The following DPP10 variants were observed in gnomAD, a reference collection of about 807,000 sequenced individuals.
The protein encoded by DPP10 is inactive dipeptidyl peptidase 10.
In DPP10, 33 loss-of-function variants were observed where a neutral mutation model predicts 120.9. The observed-to-expected ratio is 0.27, with a 90% CI of 0.21 to 0.37. DPP10 has a LOEUF of 0.37. DPP10 is among the 10% of genes least tolerant of loss of function. The pLI is 1.00. For synonymous variants in DPP10, 337 were observed against 326.1 expected (o/e 1.03, Z -0.36); for missense variants, 816 against 942.8 (o/e 0.87, Z 1.76).
In DPP10 at chr2:115,499,525, A is replaced by C; in HGVS notation, c.287A>C (p.Tyr96Ser). Residue 96 changes from tyrosine to serine, a missense_variant, in exon 4 of 26, where the codon TAT becomes TCT. Tyr to Ser is a moderately radical substitution (Grantham distance 144). Transcript: ENST00000410059. ...ARWINDTDVV[Y>S]KSENGHVIKL... ...GTTGTTGCAGATACAGATGTGGTGT[A>C]TAAAAGCGAGAATGGACATGTCATT... The C allele has an allele frequency of 6.2e-7, 1 of 1,611,842 alleles. No homozygotes were observed. The highest frequency in any genetic ancestry group is 2.2e-5 in the East Asian group (1 of 44,762).
intron 1 of DPP10, among the ~76,000 whole-genome samples, chr2:114,513,516 T>A (rs1573535896): frequency 2.3e-5 from 2 of 86,720 alleles, no homozygotes; most frequent in East Asian, 3.1e-4. Context: ...AGTGAAACTC[T>A]ACCTCAAAAA....
chr2:114,899,488 A>G (rs1558859577), intron 1 of DPP10, among the ~76,000 whole-genome samples: 1 of 151,096 alleles, frequency 6.6e-6, no homozygotes, highest in Non-Finnish European at 1.5e-5. Context: ...CGATGAAACC[A>G]CTCTTTTAAC....
chr2:114,863,487 T>C (rs1255096296), intron 1 of DPP10, among the ~76,000 whole-genome samples: 1 of 152,088 alleles, frequency 6.6e-6, no homozygotes, highest in Non-Finnish European at 1.5e-5. Flanking sequence ...GAGGTTTTGG[T>C]GGGTTCCCGT....
At chr2:114,623,590 GC>G (rs1281970180) in intron 1 of DPP10, among the ~76,000 whole-genome samples, 1 of 151,950 alleles carries the variant, frequency 6.6e-6, no homozygotes, top group Non-Finnish European at 1.5e-5. Context: ...CAAAAAGGTG[GC>G]AGCAATTTTT....
chr2:114,809,449 T>C (rs1038459932), intron 1 of DPP10, among the ~76,000 whole-genome samples: 5 of 152,230 alleles, frequency 3.3e-5, no homozygotes, highest in Non-Finnish European at 5.9e-5. Context: ...TCTCATATTT[T>C]TGAAGCTTCG....
Position 115,128,382 on chromosome 2 carries a change from C to T in DPP10, c.61-180857C>T, listed in dbSNP as rs779099053. On this transcript the variant is annotated intron_variant, in intron 1 of 25. Coordinates refer to ENST00000410059, the MANE Select transcript of DPP10 (RefSeq NM_020868.6). ...CCTTATTAATGCTTCCCTTAGACGC[C>T]GGAAGTGATCGCTGTTCTCCCTAAT... 1.4e-4 allele frequency among the ~76,000 whole-genome samples: 22 copies of T among 152,138 alleles called. 1 individual carries two copies. The highest frequency in any genetic ancestry group is 9.8e-4 in the Admixed American group (15 of 15,266).
chr2:114,607,746 T>C (rs1692933554), intron 1 of DPP10, among the ~76,000 whole-genome samples: 1 of 152,188 alleles, frequency 6.6e-6, no homozygotes, highest in Non-Finnish European at 1.5e-5. Context: ...TGCATCTTAC[T>C]GAGAAGATGT....
intron 2 of DPP10, among the ~76,000 whole-genome samples, chr2:115,324,563 C>T (rs1490228211): frequency 6.6e-6 from 1 of 152,148 alleles, no homozygotes; most frequent in Non-Finnish European, 1.5e-5. Context: ...GAGTTAGGAC[C>T]TTACTCTAGA....
At chr2:114,847,890 C>T (rs1227664098) in intron 1 of DPP10, among the ~76,000 whole-genome samples, 1 of 152,020 alleles carries the variant, frequency 6.6e-6, no homozygotes, top group Non-Finnish European at 1.5e-5. Flanking sequence ...TGCGTGTACC[C>T]ACCAATAATG....
chr2:114,674,586 T>G (rs1426075435), intron 1 of DPP10, among the ~76,000 whole-genome samples: 1 of 152,212 alleles, frequency 6.6e-6, no homozygotes, highest in African/African-American at 2.4e-5. Flanking sequence ...CTTTTAAACT[T>G]TGTCATTTTC....
chr2:114,922,442 A>T (rs1050022809), intron 1 of DPP10, among the ~76,000 whole-genome samples: 1 of 152,164 alleles, frequency 6.6e-6, no homozygotes. Context: ...CCTCCTGAGT[A>T]GCTGGGATTA....
intron 1 of DPP10, among the ~76,000 whole-genome samples, chr2:115,187,130 G>A (rs1006679774): frequency 5.0e-5 from 7 of 141,132 alleles, no homozygotes; most frequent in Middle Eastern, 3.8e-3. Flanking sequence ...TCCGCTTCCC[G>A]GGTTCACGCC....
chr2:115,130,035 A>G (rs937420270), intron 1 of DPP10, among the ~76,000 whole-genome samples: 11 of 151,798 alleles, frequency 7.2e-5, no homozygotes, highest in African/African-American at 2.2e-4. Flanking sequence ...CCTGCTTAGG[A>G]CTCACTAAAC....
At chr2:114,623,377 G>C (rs926365813) in intron 1 of DPP10, among the ~76,000 whole-genome samples, 1 of 152,050 alleles carries the variant, frequency 6.6e-6, no homozygotes, top group Non-Finnish European at 1.5e-5. Context: ...ACTGCCAGCA[G>C]CACCATAGTT....
At chr2:114,930,432 G>C (rs1254642825) in intron 1 of DPP10, among the ~76,000 whole-genome samples, 1 of 152,156 alleles carries the variant, frequency 6.6e-6, no homozygotes, top group Non-Finnish European at 1.5e-5. Flanking sequence ...CCTTAGAACA[G>C]CATTCTTAAA....
At chr2:115,170,242 A>G (rs2053215528) in intron 1 of DPP10, among the ~76,000 whole-genome samples, 1 of 152,198 alleles carries the variant, frequency 6.6e-6, no homozygotes, top group Non-Finnish European at 1.5e-5. Flanking sequence ...TAATCAATGC[A>G]AAACATGGCT....
At chr2:114,890,297 TA>T (rs1558848468) in intron 1 of DPP10, among the ~76,000 whole-genome samples, 1 of 152,038 alleles carries the variant, frequency 6.6e-6, no homozygotes. Flanking sequence ...GCTCAAGAAA[TA>T]GGAGATAGTT....
chr2:115,190,010 T>C (rs764279672), intron 1 of DPP10, among the ~76,000 whole-genome samples: 14 of 152,170 alleles, frequency 9.2e-5, no homozygotes, highest in Non-Finnish European at 1.6e-4. Flanking sequence ...AGGTGCAACA[T>C]TGAGTTTTCA....
intron 1 of DPP10, among the ~76,000 whole-genome samples, chr2:114,986,809 C>G (rs750567509): frequency 6.6e-6 from 1 of 152,106 alleles, no homozygotes; most frequent in Admixed American, 6.6e-5. Flanking sequence ...CTCACTCTGT[C>G]GCCTAGGCTG....
Sources: gnomAD v4.1 joint callset for allele counts (sites outside exome capture counted in the v4.1 genomes callset) on GRCh38, gnomAD v4.1.1 for gene constraint, MANE v1.5 for transcripts, NCBI Gene and HGNC (gene_info 2026-07-23, HGNC 2026-07-21) for gene names.